Variants in FAF1 observed in about 807,000 individuals in gnomAD.
FAF1 encodes the protein FAS-associated factor 1.
A neutral mutation model predicts 92.5 loss-of-function variants in FAF1; 25 were observed. The ratio of observed to expected loss-of-function variants is 0.27; its 90% CI spans 0.20 to 0.38. The LOEUF (loss-of-function observed/expected upper bound fraction) is 0.38. Ranked by LOEUF, FAF1 falls within the 10% of genes least tolerant of loss-of-function variation. The pLI is 1.00. For synonymous variants in FAF1, 234 were observed against 273.2 expected (o/e 0.86, Z 1.42); for missense variants, 636 against 793.3 (o/e 0.80, Z 2.38).
At chr1:50,689,402 G>C (rs905881983) in intron 7 of FAF1, among the ~76,000 whole-genome samples, 2 of 152,116 alleles carry the variant, frequency 1.3e-5, no homozygotes, top group Non-Finnish European at 2.9e-5. Flanking sequence ...CGCTAACACA[G>C]TGAAACCCCG....
At chr1:50,546,328 T>C (rs776514833) in intron 13 of FAF1, among the ~76,000 whole-genome samples, 6 of 152,212 alleles carry the variant, frequency 3.9e-5, no homozygotes, top group Non-Finnish European at 8.8e-5. Context: ...ACCATTTGTG[T>C]AAAACTGGGG....
chr1:50,486,988 G>A (rs971766449), intron 17 of FAF1, among the ~76,000 whole-genome samples: 3 of 151,978 alleles, frequency 2.0e-5, no homozygotes, highest in Admixed American at 1.3e-4. Flanking sequence ...GCCTTTGCAG[G>A]GATGATTTTA....
chr1:50,959,717 G>A, intron 1 of FAF1, 50 bp downstream of exon 1: 1 of 1,538,546 alleles, frequency 6.5e-7, no homozygotes, highest in Non-Finnish European at 8.9e-7. Flanking sequence ...TTGTGGCACC[G>A]GAAACCCACG....
chr1:50,656,256 C>T (rs894674833), intron 7 of FAF1, among the ~76,000 whole-genome samples: 4 of 151,122 alleles, frequency 2.6e-5, no homozygotes, highest in African/African-American at 4.9e-5. Context: ...CGTTTGCATC[C>T]GGGAAGCGGA....
At chr1:50,551,660 T>C (rs1176154847) in intron 13 of FAF1, among the ~76,000 whole-genome samples, 4 of 152,176 alleles carry the variant, frequency 2.6e-5, no homozygotes, top group Non-Finnish European at 5.9e-5. Context: ...TAAGAATGCA[T>C]CAGCATTCCA....
chr1:50,554,406 G>GAT (rs1649469850), intron 13 of FAF1, among the ~76,000 whole-genome samples: 1 of 145,576 alleles, frequency 6.9e-6, no homozygotes, highest in Non-Finnish European at 1.5e-5. Context: ...GAGAGAGAGA[G>GAT]AGAGAGAGAG....
intron 8 of FAF1, among the ~76,000 whole-genome samples, chr1:50,602,262 C>A (rs1652175373): frequency 6.6e-6 from 1 of 152,168 alleles, no homozygotes; most frequent in Non-Finnish European, 1.5e-5. Context: ...AAAACCATAT[C>A]TCAAGCTTGT....
In FAF1 at chr1:50,718,034, T is replaced by C. The variant is rs144909238; in HGVS notation, c.552-12143A>G. ...TTATTTATTTATTTATTTATTTATT[T>C]ATTGAGACGGAGTCTCGCTTTGTCA... On this transcript the variant is annotated intron_variant, in intron 6 of 18. Transcript: ENST00000396153. 9.1e-3 allele frequency among the ~76,000 whole-genome samples: 1,140 copies of C among 125,548 alleles called. 11 individuals carry two copies. The highest frequency in any genetic ancestry group is 0.03 in the African/African-American group (1,075 of 35,698). The allele number at this position is 125,548 out of a possible 152,430, so 82.4% of individuals were successfully genotyped here. A position where few individuals can be genotyped will look rare whatever the true frequency, so the allele number is the denominator to read the frequency against.
chr1:50,567,873 A>G (rs1347024782), intron 12 of FAF1, among the ~76,000 whole-genome samples: 1 of 152,130 alleles, frequency 6.6e-6, no homozygotes, highest in Non-Finnish European at 1.5e-5. Flanking sequence ...TATATTTCAG[A>G]AAATGTCCAC....
intron 1 of FAF1, among the ~76,000 whole-genome samples, chr1:50,909,946 G>A (rs532271666): frequency 6.6e-6 from 1 of 152,316 alleles, no homozygotes; most frequent in African/African-American, 2.4e-5. Flanking sequence ...TTCCTCTGGA[G>A]GAGAAGAGGC....
intron 15 of FAF1, among the ~76,000 whole-genome samples, chr1:50,526,832 T>G (rs1392587981): frequency 2.0e-5 from 3 of 151,940 alleles, no homozygotes; most frequent in African/African-American, 7.3e-5. Context: ...TCCACATCCT[T>G]GCTAACATTT....
chr1:50,743,699 A>C (rs1284121730), intron 5 of FAF1, among the ~76,000 whole-genome samples: 1 of 152,150 alleles, frequency 6.6e-6, no homozygotes, highest in Non-Finnish European at 1.5e-5. Flanking sequence ...ACATTCAATA[A>C]TTATTTCCAC....
chr1:50,736,612 G>A (rs1179011311), intron 6 of FAF1, among the ~76,000 whole-genome samples: 2 of 152,052 alleles, frequency 1.3e-5, no homozygotes, highest in Non-Finnish European at 1.5e-5. Context: ...TTAGCCAGGC[G>A]TAGTGGTGGG....
intron 8 of FAF1, among the ~76,000 whole-genome samples, chr1:50,640,263 A>ACC (rs1654261621): frequency 6.6e-6 from 1 of 151,830 alleles, no homozygotes; most frequent in African/African-American, 2.4e-5. Context: ...TGGCAATGTA[A>ACC]TAAGCTGGTC....
At chr1:50,931,750 G>A (rs1183664956) in intron 1 of FAF1, among the ~76,000 whole-genome samples, 8 of 152,016 alleles carry the variant, frequency 5.3e-5, no homozygotes, top group East Asian at 1.9e-4. Context: ...AGAGGCAGGC[G>A]CCTGTAGTCC....
intron 2 of FAF1, among the ~76,000 whole-genome samples, chr1:50,816,969 C>G (rs562623343): frequency 1.3e-5 from 2 of 152,194 alleles, no homozygotes; most frequent in South Asian, 4.2e-4. Context: ...TTTTTGTTAA[C>G]TGGTTGAAGA....
chr1:50,696,548 A>G (rs569121467), intron 7 of FAF1, among the ~76,000 whole-genome samples: 1 of 152,320 alleles, frequency 6.6e-6, no homozygotes, highest in African/African-American at 2.4e-5. Flanking sequence ...TATAATCATA[A>G]TCAATGTGTG....
chr1:50,908,375 A>G (rs1476385429), intron 1 of FAF1, among the ~76,000 whole-genome samples: 1 of 152,210 alleles, frequency 6.6e-6, no homozygotes, highest in Non-Finnish European at 1.5e-5. Context: ...GGTTCTGTAG[A>G]TGTCTATTAG....
intron 1 of FAF1, among the ~76,000 whole-genome samples, chr1:50,939,256 A>T (rs1645110842): frequency 6.6e-6 from 1 of 152,128 alleles, no homozygotes; most frequent in Non-Finnish European, 1.5e-5. Context: ...AGTGTTTTGT[A>T]GTTCTCCTTG....
Sources: gnomAD v4.1 joint callset for allele counts (sites outside exome capture counted in the v4.1 genomes callset) on GRCh38, gnomAD v4.1.1 for gene constraint, MANE v1.5 for transcripts, NCBI Gene and HGNC (gene_info 2026-07-23, HGNC 2026-07-21) for gene names.